The following MARCHF1 variants were observed in gnomAD, a reference collection of about 807,000 sequenced individuals.
The protein encoded by MARCHF1 is membrane associated ring-CH-type finger 1.
A neutral mutation model predicts 54.2 loss-of-function variants in MARCHF1; 40 were observed. The ratio of observed to expected loss-of-function variants is 0.74; its 90% confidence interval spans 0.57 to 0.96. The LOEUF (loss-of-function observed/expected upper bound fraction) is 0.96, where lower values mean the gene tolerates loss of function less well. Ranked by LOEUF, MARCHF1 falls within the 40% of genes least tolerant of loss-of-function variation. The pLI, the probability that MARCHF1 is intolerant of heterozygous loss-of-function variation, is 0.00. For synonymous variants in MARCHF1, 236 were observed against 236.3 expected (o/e 1.00, Z 0.01); for missense variants, 586 against 656.5 (o/e 0.89, Z 1.17).
At chr4:163,543,701 A>G (rs896630377) in intron 9 of MARCHF1, among the ~76,000 whole-genome samples, 2 of 152,118 alleles carry the variant, frequency 1.3e-5, no homozygotes, top group Admixed American at 6.5e-5. Context: ...AGGGTAAATG[A>G]TTGCTATTCA....
At chr4:164,034,675 T>C (rs1753955775) in intron 2 of MARCHF1, among the ~76,000 whole-genome samples, 1 of 152,160 alleles carries the variant, frequency 6.6e-6, no homozygotes, top group Admixed American at 6.6e-5. Flanking sequence ...AGCTTTATTA[T>C]TTAGATTTTG....
At chr4:164,205,184 A>C (rs1311783910) in intron 1 of MARCHF1, among the ~76,000 whole-genome samples, 1 of 152,186 alleles carries the variant, frequency 6.6e-6, no homozygotes, top group Non-Finnish European at 1.5e-5. Context: ...ATTGTTAGTA[A>C]TTGACAGAAA....
chr4:164,134,141 A>C (rs1309948809), intron 1 of MARCHF1, among the ~76,000 whole-genome samples: 3 of 152,150 alleles, frequency 2.0e-5, no homozygotes, highest in African/African-American at 7.2e-5. Context: ...TTTTAGTCAG[A>C]TATTACAAAG....
At chr4:164,214,927 C>T (rs1055493108) in intron 1 of MARCHF1, among the ~76,000 whole-genome samples, 11 of 152,224 alleles carry the variant, frequency 7.2e-5, no homozygotes, top group Admixed American at 5.2e-4. Flanking sequence ...TTCCTCAGTG[C>T]CCCCGCCGCT....
At chr4:164,269,756 T>C (rs1024173097) in intron 1 of MARCHF1, among the ~76,000 whole-genome samples, 10 of 152,134 alleles carry the variant, frequency 6.6e-5, no homozygotes, top group Non-Finnish European at 1.2e-4. Context: ...TTTTTGTGTT[T>C]AGTTTTTCTT....
At chr4:164,202,992 A>G (rs1336301328) in intron 1 of MARCHF1, among the ~76,000 whole-genome samples, 1 of 151,904 alleles carries the variant, frequency 6.6e-6, no homozygotes, top group Non-Finnish European at 1.5e-5. Context: ...AGAAAGGGAG[A>G]AAGAGAGAGA....
At chr4:163,800,102 A>C (rs1748036700) in intron 4 of MARCHF1, among the ~76,000 whole-genome samples, 1 of 152,056 alleles carries the variant, frequency 6.6e-6, no homozygotes, top group Non-Finnish European at 1.5e-5. Flanking sequence ...CATGGACATA[A>C]AAGATGGCAA....
chr4:164,141,649 T>C (rs908407938), intron 1 of MARCHF1, among the ~76,000 whole-genome samples: 1 of 152,194 alleles, frequency 6.6e-6, no homozygotes, highest in South Asian at 2.1e-4. Context: ...TTGGGGAAAA[T>C]GGCAACTTGG....
chr4:164,214,121 C>T (rs1009514221), intron 1 of MARCHF1, among the ~76,000 whole-genome samples: 4 of 151,176 alleles, frequency 2.6e-5, no homozygotes, highest in African/African-American at 7.3e-5. Context: ...TTTCTGTATT[C>T]GTGACACATA....
intron 1 of MARCHF1, among the ~76,000 whole-genome samples, chr4:164,246,949 A>G (rs1469810011): frequency 1.2e-5 from 1 of 83,000 alleles, no homozygotes. Flanking sequence ...TTAAAAAGTC[A>G]GGAAACAACA....
intron 8 of MARCHF1, among the ~76,000 whole-genome samples, chr4:163,547,448 T>C (rs1364246243): frequency 6.6e-6 from 1 of 152,200 alleles, no homozygotes; most frequent in Non-Finnish European, 1.5e-5. Context: ...CTAATGTAGG[T>C]ATTGTCCTTT....
intron 5 of MARCHF1, among the ~76,000 whole-genome samples, chr4:163,628,296 G>A (rs1029600448): frequency 1.3e-5 from 2 of 152,008 alleles, no homozygotes; most frequent in African/African-American, 2.4e-5. Flanking sequence ...CAGAACCAAC[G>A]ACAAAAACCA....
intron 2 of MARCHF1, among the ~76,000 whole-genome samples, chr4:164,036,458 C>T (rs1260397925): frequency 6.6e-6 from 1 of 152,010 alleles, no homozygotes; most frequent in African/African-American, 2.4e-5. Flanking sequence ...GATTCCAATG[C>T]TGTCTGAAAA....
chr4:163,804,030 G>A (rs887251202), intron 4 of MARCHF1, among the ~76,000 whole-genome samples: 2 of 152,184 alleles, frequency 1.3e-5, no homozygotes, highest in South Asian at 2.1e-4. Flanking sequence ...TAAGGCTTAA[G>A]GTTCACTCTT....
intron 3 of MARCHF1, among the ~76,000 whole-genome samples, chr4:163,908,344 C>G (rs891564970): frequency 2.0e-5 from 3 of 151,924 alleles, no homozygotes; most frequent in East Asian, 3.9e-4. Context: ...TAGACACCAT[C>G]AGAGATAGAA....
intron 4 of MARCHF1, among the ~76,000 whole-genome samples, chr4:163,781,291 T>C (rs1430327783): frequency 6.6e-6 from 1 of 152,076 alleles, no homozygotes; most frequent in Non-Finnish European, 1.5e-5. Flanking sequence ...GCGGAGGTTG[T>C]AGTAGCCAGG....
chr4:163,573,295 C>CTTATTATTATTATTA (rs34017689), intron 8 of MARCHF1, among the ~76,000 whole-genome samples: 2 of 144,326 alleles, frequency 1.4e-5, no homozygotes, highest in Non-Finnish European at 1.5e-5. Context: ...TGCTTTTTCT[C>CTTATTATTATTATTA]TTATTATTAT....
chr4:164,360,256 A>G (rs1354657040), intron 1 of MARCHF1, among the ~76,000 whole-genome samples: 1 of 152,120 alleles, frequency 6.6e-6, no homozygotes, highest in Non-Finnish European at 1.5e-5. Flanking sequence ...AAAATATTTG[A>G]TACTGCAGGT....
chr4:163,604,514 G>A (rs1392507784), intron 7 of MARCHF1, among the ~76,000 whole-genome samples: 1 of 152,068 alleles, frequency 6.6e-6, no homozygotes, highest in Admixed American at 6.6e-5. Context: ...ACACAGCCAT[G>A]GCTTTCTAAT....
Sources: gnomAD v4.1 joint callset for allele counts (sites outside exome capture counted in the v4.1 genomes callset) on GRCh38, gnomAD v4.1.1 for gene constraint, MANE v1.5 for transcripts, NCBI Gene and HGNC (gene_info 2026-07-23, HGNC 2026-07-21) for gene names.